ZNF729: variants seen among roughly 807,000 people sequenced by gnomAD.
ZNF729 encodes zinc finger protein 729.
Under a neutral mutation model 12.2 loss-of-function variants are expected in ZNF729, and 15 were observed. That is an observed-to-expected ratio of 1.23 (90% confidence interval 0.82 to 1.89). ZNF729 has a LOEUF of 1.89. ZNF729 is among the 40% of genes most tolerant of loss of function. The probability of loss-of-function intolerance (pLI) is 0.00; values close to 1 mark genes in which losing one functional copy is unlikely to be tolerated. For synonymous variants in ZNF729, 492 were observed against 476.3 expected (o/e 1.03, Z -0.43); for missense variants, 1,540 against 1,456.7 (o/e 1.06, Z -0.93).
chr19:22,292,471 C>G (rs1169239356), intron 1 of ZNF729, among the ~76,000 whole-genome samples: 1 of 152,122 alleles, frequency 6.6e-6, no homozygotes, highest in African/African-American at 2.4e-5. Context: ...CTGGGTCTCA[C>G]TCTGTCACCC....
chr19:22,287,429 G>A (rs1008819734), intron 1 of ZNF729, among the ~76,000 whole-genome samples: 8 of 151,902 alleles, frequency 5.3e-5, no homozygotes, highest in Non-Finnish European at 7.4e-5. Context: ...ACCACGCCGG[G>A]CTAATTTTGT....
chr19:22,295,299 C>T (rs1968214207), intron 1 of ZNF729, among the ~76,000 whole-genome samples: 1 of 151,132 alleles, frequency 6.6e-6, no homozygotes, highest in Non-Finnish European at 1.5e-5. Flanking sequence ...GTTTGAATGC[C>T]TTTCATTTTA....
chr19:22,305,782 CTTCT>C (rs1246091260), intron 3 of ZNF729, among the ~76,000 whole-genome samples: 7 of 152,010 alleles, frequency 4.6e-5, no homozygotes, highest in Non-Finnish European at 8.8e-5. Flanking sequence ...ACTCAGTCAT[CTTCT>C]TTCTTTTTCT....
At chr19:22,311,217 T>A (rs1968446384) in intron 3 of ZNF729, among the ~76,000 whole-genome samples, 1 of 152,006 alleles carries the variant, frequency 6.6e-6, no homozygotes, top group African/African-American at 2.4e-5. Context: ...ATTTTGATTA[T>A]TTTTTTTCTT....
intron 1 of ZNF729, among the ~76,000 whole-genome samples, chr19:22,293,863 G>A (rs1417580870): frequency 1.3e-5 from 2 of 152,100 alleles, no homozygotes; most frequent in Admixed American, 6.6e-5. Context: ...ATGGATTCTG[G>A]ATATTAGACC....
intron 1 of ZNF729, among the ~76,000 whole-genome samples, chr19:22,289,380 C>T (rs1411188634): frequency 1.3e-5 from 2 of 151,866 alleles, no homozygotes; most frequent in African/African-American, 2.4e-5. Context: ...CGCCCGCCAC[C>T]ACACCCGGCT....
At position 22,314,001 on chromosome 19, in the gene ZNF729, T is replaced by C. The variant is rs1568576875; in HGVS notation, c.584T>C (p.Leu195Ser). ...AAATCATTTTTCATGCTTTCATGCTTAATTCGACATAAGAGAATTCATATT... is the reference window on the plus strand; with the variant it reads ...AAATCATTTTTCATGCTTTCATGCTCAATTCGACATAAGAGAATTCATATT... The part of the protein sequence containing the change: ...CSKSFFMLSC[L>S]IRHKRIHIRQ... The change falls in exon 4 of 4, where the codon TTA (leucine) becomes TCA (serine). Residue 195 changes from leucine (L) to serine (S), a missense_variant. Coordinates refer to ENST00000601693, the MANE Select transcript of ZNF729 (RefSeq NM_001242680.2). The C allele has an allele frequency of 1.9e-6, 3 of 1,540,652 alleles. No individual in the cohort carries two copies. The highest frequency in any genetic ancestry group is 2.6e-6 in the Non-Finnish European group (3 of 1,146,258).
At position 22,288,937 on chromosome 19, in the gene ZNF729, A is replaced by G. The variant is rs547299057; in HGVS notation, c.30+2382A>G. On this transcript the variant is annotated intron_variant, in intron 1 of 3. Transcript: ENST00000601693. ...TTGCAAAGTAAAATACATCTGGGGC[A>G]CTCACTGGGGCTTAATTCAGAGTCT... Among the ~76,000 whole-genome samples the G allele has an allele frequency of 1.9e-4, 29 of 152,258 alleles. No homozygotes were observed. The South Asian group carries it at 6.0e-3, about 32-fold the overall frequency.
At chr19:22,312,250 T>C (rs1968459177) in intron 3 of ZNF729, among the ~76,000 whole-genome samples, 1 of 152,192 alleles carries the variant, frequency 6.6e-6, no homozygotes, top group Admixed American at 6.5e-5. Flanking sequence ...TTATACTTTT[T>C]TTGATTGGGC....
At chr19:22,306,699 C>T (rs984385578) in intron 3 of ZNF729, among the ~76,000 whole-genome samples, 8 of 150,954 alleles carry the variant, frequency 5.3e-5, no homozygotes, top group Non-Finnish European at 1.0e-4. Flanking sequence ...TTCAATGGAA[C>T]AAAAAACTAT....
In ZNF729 at chr19:22,286,449, C is replaced by T. The variant is rs1352317110; in HGVS notation, c.-77C>T. On this transcript the variant is annotated 5_prime_UTR_variant, in exon 1 of 4. Transcript: ENST00000601693. Reference sequence around the variant, plus strand: ...TGTTTCTGGTTGCAGCCGCAGTTCCCGGTCTCGCCTTCACTGCTGTGTGTC... The same window carrying T: ...TGTTTCTGGTTGCAGCCGCAGTTCCTGGTCTCGCCTTCACTGCTGTGTGTC... 4 of 1,578,960 alleles carry T rather than the reference C, an allele frequency of 2.5e-6. No homozygotes were observed. The African/African-American group carries it at 5.4e-5, about 21-fold the overall frequency.
chr19:22,287,695 T>C (rs1968098933), intron 1 of ZNF729, among the ~76,000 whole-genome samples: 1 of 152,038 alleles, frequency 6.6e-6, no homozygotes, highest in Non-Finnish European at 1.5e-5. Flanking sequence ...CCCTTGCATT[T>C]TTTACAGGTA....
chr19:22,307,800 GTTT>G, intron 3 of ZNF729, among the ~76,000 whole-genome samples: 1,206 of 53,240 alleles, frequency 0.023, 14 homozygotes, highest in African/African-American at 0.072. Context: ...AAAGCTCTGT[GTTT>G]TTTTTTTTTT....
Position 22,314,097 on chromosome 19 carries a change from A to C in ZNF729, c.680A>C (p.Lys227Thr). ...FKSFSTLTKH[K>T]IIHTEDKPYK... The stretch of plus-strand genomic sequence containing the variant: ...TCGTTCTCAACCCTTACTAAACATA[A>C]GATAATTCATACTGAAGACAAACCT... The change falls in exon 4 of 4, where the codon AAG becomes ACG. Residue 227 changes from lysine (K) to threonine (T), a missense_variant. Lys to Thr is a moderately conservative substitution (Grantham distance 78). Transcript: ENST00000601693. 6.5e-7 allele frequency: 1 copy of C among 1,547,628 alleles called. No homozygotes were observed. The highest frequency in any genetic ancestry group is 8.7e-7 in the Non-Finnish European group (1 of 1,147,420).
rs747884789 is a variant in ZNF729, at chr19:22,314,287, A to G, written c.870A>G (p.Lys290=). The G allele has an allele frequency of 6.2e-7, 1 of 1,610,474 alleles. No homozygotes were observed. Among genetic ancestry groups the G allele is most frequent in the Non-Finnish European group, 8.5e-7 (1 of 1,179,094 alleles). Residue 290 remains lysine, a synonymous_variant, in exon 4 of 4, where the codon AAA becomes AAG. Transcript: ENST00000601693. ...ATAAGAGAATTCATACTGGAGAGAA[A>G]ACCTACAAATGTGAAGAATGTGGCA... is the stretch of plus-strand genomic sequence containing the variant. ...TDHKRIHTGE[K]TYKCEECGKA...
chr19:22,306,860 CTG>C (rs1220445967), intron 3 of ZNF729, among the ~76,000 whole-genome samples: 3 of 151,172 alleles, frequency 2.0e-5, no homozygotes, highest in African/African-American at 4.8e-5. Flanking sequence ...TTATATATGT[CTG>C]TATATTTACA....
At chr19:22,293,783 G>C (rs1040120547) in intron 1 of ZNF729, among the ~76,000 whole-genome samples, 1 of 152,036 alleles carries the variant, frequency 6.6e-6, no homozygotes, top group Non-Finnish European at 1.5e-5. Context: ...CATAAGCCAC[G>C]GAGCCCAGCC....
Position 22,314,052 on chromosome 19 carries a change from AACG to A in ZNF729, c.636_638del (p.Glu212_Arg213delinsAsp). The A allele has an allele frequency of 6.5e-7, 1 of 1,542,702 alleles. No individual in the cohort carries two copies. Among genetic ancestry groups the A allele is most frequent in the East Asian group, 2.4e-5 (1 of 40,910 alleles). On this transcript the variant is annotated inframe_deletion, in exon 4 of 4. Coordinates refer to ENST00000601693, the MANE Select transcript of ZNF729 (RefSeq NM_001242680.2). Reference sequence around the variant, plus strand: ...AGACAGAATATCTACAAATGTGAAGAACGTGGCAAAGCCTTTAAATCGTTCTCA... The same window carrying A: ...AGACAGAATATCTACAAATGTGAAGATGGCAAAGCCTTTAAATCGTTCTCA...
chr19:22,315,247 C>T lies in ZNF729; in HGVS notation c.1830C>T (p.Asn610=). 6.2e-7 allele frequency: 1 copy of T among 1,611,600 alleles called. No homozygotes were observed. Among genetic ancestry groups the T allele is most frequent in the Non-Finnish European group, 8.5e-7 (1 of 1,179,214 alleles). Residue 610 remains asparagine, a synonymous_variant, in exon 4 of 4, where the codon AAC becomes AAT. Coordinates refer to ENST00000601693, the MANE Select transcript of ZNF729 (RefSeq NM_001242680.2). ...GTGAAGAATGTGGCAAAGCTTTTAACAATTCCTCAATCCTTGCTAAACATA... is the reference window on the plus strand; with the variant it reads ...GTGAAGAATGTGGCAAAGCTTTTAATAATTCCTCAATCCTTGCTAAACATA... The part of the protein sequence containing the change: ...YKCEECGKAF[N]NSSILAKHKI...
Sources: gnomAD v4.1 joint callset for allele counts (sites outside exome capture counted in the v4.1 genomes callset) on GRCh38, gnomAD v4.1.1 for gene constraint, MANE v1.5 for transcripts, NCBI Gene and HGNC (gene_info 2026-07-23, HGNC 2026-07-21) for gene names.